Variants in ADCY5 observed in about 807,000 individuals in gnomAD.
The protein encoded by ADCY5 is adenylate cyclase type 5.
Under a neutral mutation model 119.7 loss-of-function variants are expected in ADCY5, and 30 were observed. That is an observed-to-expected ratio of 0.25 (90% CI 0.19 to 0.34). The LOEUF (loss-of-function observed/expected upper bound fraction) is 0.34. Among genes scored for constraint, ADCY5 ranks in the 10% least tolerant of loss-of-function variants. The pLI is 1.00. For synonymous variants in ADCY5, 753 were observed against 762.2 expected, an observed-to-expected ratio of 0.99 and a Z score of 0.20; for missense variants, 1,324 against 1,775.2, an observed-to-expected ratio of 0.75 and a Z score of 4.57.
rs779772802 is a variant in ADCY5, at chr3:123,447,555, A to C, written c.991T>G (p.Trp331Gly). 1.2e-5 allele frequency: 19 copies of C among 1,609,344 alleles called. No individual in the cohort carries two copies. Among genetic ancestry groups the C allele is most frequent in the African/African-American group, 4.0e-5 (3 of 74,890 alleles). ...QPRSASEGIW[W>G]TVFFIYTIYT... ...ATGGTGTAGATGAAGAACACGGTCC[A>C]CCAGATGCCCTCAGAGGCGCTGCGT... Residue 331 changes from tryptophan to glycine, a missense_variant, in exon 1 of 21, where the codon TGG becomes GGG. This residue lies in a region of ADCY5 where 585 missense variants were observed against 569.9 expected (regional missense o/e 1.03). Coordinates refer to ENST00000462833, the MANE Select transcript of ADCY5 (RefSeq NM_183357.3).
At chr3:123,362,730 A>ACCTCTAT (rs1003707588) in intron 1 of ADCY5, among the ~76,000 whole-genome samples, 1 of 152,146 alleles carries the variant, frequency 6.6e-6, no homozygotes, top group African/African-American at 2.4e-5. Flanking sequence ...AGGCTCCACA[A>ACCTCTAT]CCTCTATCCT....
intron 1 of ADCY5, among the ~76,000 whole-genome samples, chr3:123,433,770 CT>C (rs949228187): frequency 1.3e-5 from 2 of 152,190 alleles, no homozygotes; most frequent in African/African-American, 4.8e-5. Flanking sequence ...CCTTCCCTCC[CT>C]GTCCCACTTA....
rs1413166715 is a variant in ADCY5, at chr3:123,320,158, T to A, written c.2112-340A>T. On this transcript the variant is annotated intron_variant, in intron 9 of 20. Coordinates refer to ENST00000462833, the MANE Select transcript of ADCY5 (RefSeq NM_183357.3). ...TTTCCCTACAGCTAACAGGCTCTGC[T>A]CTTTACCCTCTAGCTCTATCCTTCT... Among the ~76,000 whole-genome samples, 5 of 152,370 alleles carry A rather than the reference T, an allele frequency of 3.3e-5. No individual in the cohort carries two copies. The East Asian group carries it at 9.6e-4, about 29-fold the overall frequency.
At chr3:123,344,617 T>C (rs762620362) in intron 3 of ADCY5, among the ~76,000 whole-genome samples, 1 of 152,146 alleles carries the variant, frequency 6.6e-6, no homozygotes, top group African/African-American at 2.4e-5. Context: ...TGTGCAGAAC[T>C]GCTTAACCCC....
intron 1 of ADCY5, among the ~76,000 whole-genome samples, chr3:123,387,451 A>G: frequency 6.6e-6 from 1 of 152,210 alleles, no homozygotes; most frequent in East Asian, 1.9e-4. Context: ...GGGAGTAGGT[A>G]TTAATTGCCC....
At chr3:123,396,975 T>C (rs1192147245) in intron 1 of ADCY5, among the ~76,000 whole-genome samples, 1 of 152,064 alleles carries the variant, frequency 6.6e-6, no homozygotes, top group Non-Finnish European at 1.5e-5. Context: ...TTCTGTACAA[T>C]GTGAGCTCCC....
At position 123,296,057 on chromosome 3, in the gene ADCY5, C is replaced by T. The variant is rs56407630; in HGVS notation, c.3063+27G>A. ...CCACCTGCTCCCAAATGCCTCCCTC[C>T]CCAGGTCCAGCCCCAGGGCCACCCA... On this transcript the variant is annotated intron_variant, in intron 17 of 20. Coordinates refer to ENST00000462833, the MANE Select transcript of ADCY5 (RefSeq NM_183357.3). The T allele has an allele frequency of 0.093, 150,642 of 1,611,740 alleles. 7,706 individuals are homozygous for T. Among genetic ancestry groups the T allele is most frequent in the Middle Eastern group, 0.17 (1,045 of 6,042 alleles).
Position 123,448,666 on chromosome 3 carries a change from G to A in ADCY5, c.-121C>T. 1.1e-6 allele frequency: 1 copy of A among 914,412 alleles called. No homozygotes were observed. Among genetic ancestry groups the A allele is most frequent in the East Asian group, 3.3e-5 (1 of 30,148 alleles). 56.6% of individuals were successfully genotyped at this position (914,412 alleles called of 1,614,324 possible). A position where few individuals can be genotyped will look rare whatever the true frequency, so the allele number is the denominator to read the frequency against. Reference sequence around the variant, plus strand: ...TAGGGTCACACGTCGGGGGCGGCCCGGGGCCCTGCGCTGCAGCGGGGCATC... The same window carrying A: ...TAGGGTCACACGTCGGGGGCGGCCCAGGGCCCTGCGCTGCAGCGGGGCATC... On this transcript the variant is annotated 5_prime_UTR_variant, in exon 1 of 21. Coordinates refer to ENST00000462833, the MANE Select transcript of ADCY5 (RefSeq NM_183357.3).
At chr3:123,300,408 T>G in intron 14 of ADCY5, 113 bp from the exon 15 acceptor site, 1 of 1,218,192 alleles carries the variant, frequency 8.2e-7, no homozygotes, top group Non-Finnish European at 1.1e-6. Flanking sequence ...CTGGGCATGT[T>G]TCTGCTGATG....
At chr3:123,315,475 G>T (rs193101154) in intron 11 of ADCY5, among the ~76,000 whole-genome samples, 2 of 152,348 alleles carry the variant, frequency 1.3e-5, no homozygotes, top group East Asian at 3.9e-4. Flanking sequence ...TAACTGAGAT[G>T]ACCCAGCCCC....
rs571463865 is a variant in ADCY5 at position 123,404,418 on chromosome 3, G to GGCA, written c.1134+42991_1134+42993dup. 2.6e-5 allele frequency: 4 copies of GGCA among 152,502 alleles called. No homozygotes were observed. In the South Asian group the frequency reaches 8.3e-4, roughly 32 times the overall value. The allele number at this position is 152,502 out of a possible 1,614,324, so 9.4% of individuals were successfully genotyped here. A position where few individuals can be genotyped will look rare whatever the true frequency, so the allele number is the denominator to read the frequency against. On this transcript the variant is annotated intron_variant, in intron 1 of 20. Transcript: ENST00000462833. Reference sequence around the variant, plus strand: ...CAGAACACTAAGCAGAGGCCCTCCTGGCAGCATCTTCAGCCCTTACCTTCT... The same window carrying GGCA: ...CAGAACACTAAGCAGAGGCCCTCCTGGCAGCAGCATCTTCAGCCCTTACCTTCT...
intron 3 of ADCY5, among the ~76,000 whole-genome samples, chr3:123,341,939 A>G (rs183666042): frequency 3.9e-5 from 6 of 152,264 alleles, no homozygotes; most frequent in Admixed American, 3.9e-4. Context: ...TTAAAAAAAA[A>G]TAGAGACAGG....
chr3:123,332,811 G>A (rs1258246479), intron 3 of ADCY5, 136 bp from the exon 4 acceptor site: 2 of 622,136 alleles, frequency 3.2e-6, no homozygotes, highest in Admixed American at 4.8e-5. Flanking sequence ...CTGGAGTGCA[G>A]TGGTGTGATC....
chr3:123,390,414 G>A (rs1944370576), intron 1 of ADCY5, among the ~76,000 whole-genome samples: 1 of 152,126 alleles, frequency 6.6e-6, no homozygotes, highest in African/African-American at 2.4e-5. Context: ...AGCCATGGAG[G>A]GCCACCTCCT....
At chr3:123,298,829 A>ATTTT in intron 15 of ADCY5, among the ~76,000 whole-genome samples, 1 of 5,820 alleles carries the variant, frequency 1.7e-4, no homozygotes, top group Admixed American at 2.2e-3. Context: ...CAAAACTGTC[A>ATTTT]CTTTTTTTTT....
At position 123,447,698 on chromosome 3, in the gene ADCY5, A is replaced by C. The variant is rs1451443367; in HGVS notation, c.848T>G (p.Ile283Ser). Residue 283 changes from isoleucine to serine, a missense_variant, in exon 1 of 21, where the codon ATC (isoleucine) becomes AGC (serine). Around this residue, in one of 6 missense-constraint regions of ADCY5, gnomAD observed 585 missense variants for 569.9 expected, o/e 1.03. Coordinates refer to ENST00000462833, the MANE Select transcript of ADCY5 (RefSeq NM_183357.3). Reference sequence around the variant, plus strand: ...GGCGCGGTTGCAAAGCACAGCCATGATGAGGATCACGCCGACGGCGGCCGC... The same window carrying C: ...GGCGCGGTTGCAAAGCACAGCCATGCTGAGGATCACGCCGACGGCGGCCGC... The part of the protein sequence containing the change: ...VLAAAVGVIL[I>S]MAVLCNRAAF... 2 of 1,604,326 alleles carry C rather than the reference A, an allele frequency of 1.2e-6. No individual in the cohort carries two copies. Among genetic ancestry groups the C allele is most frequent in the African/African-American group, 2.7e-5 (2 of 74,826 alleles).
At chr3:123,382,641 C>G (rs1944068411) in intron 1 of ADCY5, among the ~76,000 whole-genome samples, 1 of 152,158 alleles carries the variant, frequency 6.6e-6, no homozygotes, top group Non-Finnish European at 1.5e-5. Flanking sequence ...GCCTCAAAAA[C>G]ATTATGCTAA....
chr3:123,298,165 A>G (rs1939635306), intron 15 of ADCY5, among the ~76,000 whole-genome samples: 1 of 151,950 alleles, frequency 6.6e-6, no homozygotes, highest in Non-Finnish European at 1.5e-5. Context: ...ACACCTGGCT[A>G]ATTTTTGTAT....
chr3:123,323,867 C>T (rs1452646735), intron 8 of ADCY5, among the ~76,000 whole-genome samples: 2 of 152,140 alleles, frequency 1.3e-5, no homozygotes, highest in African/African-American at 2.4e-5. Flanking sequence ...TCTCACTATG[C>T]TGTCCAGGCT....
Sources: allele counts gnomAD v4.1 joint callset (sites outside exome capture counted in the v4.1 genomes callset), GRCh38; gene constraint gnomAD v4.1.1; regional missense constraint gnomAD v4.1.1; transcripts MANE v1.5; gene names NCBI Gene and HGNC (gene_info 2026-07-23, HGNC 2026-07-21).